Variants in FRMD6 observed in about 807,000 individuals in gnomAD.
The protein encoded by FRMD6 is FERM domain-containing protein 6.
A neutral mutation model predicts 73.2 loss-of-function variants in FRMD6; 37 were observed. The ratio of observed to expected loss-of-function variants is 0.51; its 90% CI spans 0.39 to 0.66. The LOEUF (loss-of-function observed/expected upper bound fraction) is 0.66, where lower values mean the gene tolerates loss of function less well. Among genes scored for constraint, FRMD6 ranks in the 30% least tolerant of loss-of-function variants. The pLI is 0.00. For synonymous variants in FRMD6, 273 were observed against 282.2 expected (o/e 0.97, Z 0.33); for missense variants, 714 against 780.5 (o/e 0.91, Z 1.02).
chr14:51,685,236 GATGGAAGGAAA>G (rs1895072058), intron 1 of FRMD6, among the ~76,000 whole-genome samples: 1 of 152,190 alleles, frequency 6.6e-6, no homozygotes, highest in African/African-American at 2.4e-5. Flanking sequence ...TGGATGGACA[GATGGAAGGAAA>G]TTACATCTCT....
chr14:51,448,010 T>C, the FRMD6 span, among the ~76,000 whole-genome samples: 2 of 152,370 alleles, frequency 1.3e-5, no homozygotes, highest in Admixed American at 1.3e-4. Flanking sequence ...TTCTAATTGC[T>C]ATTCCTTTGT....
chr14:51,630,458 A>G (rs1394690745), intron 2 of FRMD6, among the ~76,000 whole-genome samples: 1 of 152,132 alleles, frequency 6.6e-6, no homozygotes, highest in African/African-American at 2.4e-5. Context: ...AACAAAGAAG[A>G]AACATTTTAG....
At chr14:51,725,677 A>G in intron 12 of FRMD6, 102 bp from the exon 13 acceptor site, 1 of 863,470 alleles carries the variant, frequency 1.2e-6, no homozygotes, top group Non-Finnish European at 1.9e-6. Flanking sequence ...GTAATGGTTA[A>G]TATTTGATTT....
chr14:51,692,018 A>G (rs1026394969), intron 2 of FRMD6, among the ~76,000 whole-genome samples: 6 of 152,204 alleles, frequency 3.9e-5, no homozygotes, highest in African/African-American at 7.2e-5. Flanking sequence ...GCTTATTGCT[A>G]TAGTCATTTT....
At chr14:51,533,838 T>C (rs1566797948) in intron 1 of FRMD6, among the ~76,000 whole-genome samples, 1 of 152,218 alleles carries the variant, frequency 6.6e-6, no homozygotes, top group East Asian at 1.9e-4. Context: ...AGGTTGTGCC[T>C]AGTGAGTTCT....
At chr14:51,623,091 A>G (rs1056152603) in intron 2 of FRMD6, among the ~76,000 whole-genome samples, 1 of 152,172 alleles carries the variant, frequency 6.6e-6, no homozygotes, top group Non-Finnish European at 1.5e-5. Context: ...TACAATAAAA[A>G]CAAATAATAC....
chr14:51,596,372 C>T (rs1004497857), intron 2 of FRMD6, among the ~76,000 whole-genome samples: 8 of 151,824 alleles, frequency 5.3e-5, no homozygotes, highest in Non-Finnish European at 1.0e-4. Context: ...CACTGTGAAC[C>T]GTGTAAGCCT....
chr14:51,507,332 A>G (rs1241466959), intron 1 of FRMD6, among the ~76,000 whole-genome samples: 1 of 152,108 alleles, frequency 6.6e-6, no homozygotes, highest in African/African-American at 2.4e-5. Context: ...CAGTGGTGAC[A>G]ATGCTAAGTG....
intron 1 of FRMD6, among the ~76,000 whole-genome samples, chr14:51,672,402 A>G (rs1894074350): frequency 6.6e-6 from 1 of 152,296 alleles, no homozygotes; most frequent in East Asian, 1.9e-4. Context: ...TTGATGGGAA[A>G]TCATTAGGCA....
the FRMD6 span, among the ~76,000 whole-genome samples, chr14:51,435,616 C>T: frequency 2.6e-5 from 4 of 152,126 alleles, no homozygotes; most frequent in East Asian, 7.7e-4. Context: ...AAAACTATTA[C>T]TAAATAGTGC....
chr14:51,481,752 G>C, the FRMD6 span, among the ~76,000 whole-genome samples: 1 of 152,174 alleles, frequency 6.6e-6, no homozygotes, highest in South Asian at 2.1e-4. Flanking sequence ...GACTGACATA[G>C]GAATACTCTG....
intron 1 of FRMD6, among the ~76,000 whole-genome samples, chr14:51,529,990 A>G (rs921454120): frequency 3.3e-5 from 5 of 152,196 alleles, no homozygotes; most frequent in Non-Finnish European, 7.3e-5. Flanking sequence ...TAATGCCTGC[A>G]ATTGTGAGCT....
intron 2 of FRMD6, among the ~76,000 whole-genome samples, chr14:51,639,411 G>A (rs1010690144): frequency 6.6e-6 from 1 of 150,796 alleles, no homozygotes; most frequent in South Asian, 2.1e-4. Context: ...CTCCAGCCTG[G>A]GTGACAGAGC....
At chr14:51,722,643 T>G (rs1209077867) in intron 12 of FRMD6, among the ~76,000 whole-genome samples, 1 of 152,242 alleles carries the variant, frequency 6.6e-6, no homozygotes, top group African/African-American at 2.4e-5. Flanking sequence ...TCCCTATAGT[T>G]ATATAATACA....
chr14:51,415,817 G>T, the FRMD6 span, among the ~76,000 whole-genome samples: 1 of 152,070 alleles, frequency 6.6e-6, no homozygotes, highest in Admixed American at 6.5e-5. Flanking sequence ...ATTAATTATT[G>T]CCCCAATTTC....
intron 1 of FRMD6, among the ~76,000 whole-genome samples, chr14:51,497,544 CAT>C (rs1566777494): frequency 6.6e-6 from 1 of 152,026 alleles, no homozygotes; most frequent in Non-Finnish European, 1.5e-5. Flanking sequence ...ATGTGTGAGT[CAT>C]ATATATGTTT....
the FRMD6 span, among the ~76,000 whole-genome samples, chr14:51,469,001 C>T: frequency 1.3e-5 from 2 of 152,054 alleles, no homozygotes; most frequent in South Asian, 4.1e-4. Flanking sequence ...AGTGCAGTGG[C>T]ACGATCTCGG....
intron 1 of FRMD6, among the ~76,000 whole-genome samples, chr14:51,514,743 G>A (rs1331770600): frequency 1.1e-4 from 16 of 152,136 alleles, no homozygotes; most frequent in African/African-American, 3.4e-4. Flanking sequence ...AGCTACTCGG[G>A]TGGCTGAGGC....
chr14:51,518,062 G>A (rs1234291303), intron 1 of FRMD6, among the ~76,000 whole-genome samples: 2 of 152,320 alleles, frequency 1.3e-5, no homozygotes, highest in African/African-American at 4.8e-5. Flanking sequence ...GCATATTCCA[G>A]TTAACTTATT....
Sources: allele counts gnomAD v4.1 joint callset (sites outside exome capture counted in the v4.1 genomes callset), GRCh38; gene constraint gnomAD v4.1.1; transcripts MANE v1.5; gene names NCBI Gene and HGNC (gene_info 2026-07-23, HGNC 2026-07-21).